Variants in FAAH2 observed in about 807,000 individuals in gnomAD.
FAAH2 encodes fatty-acid amide hydrolase 2.
Under a neutral mutation model 36.9 loss-of-function variants are expected in FAAH2, and 60 were observed. That is an observed-to-expected ratio of 1.63 (90% CI 1.32 to 2.02). FAAH2 has a LOEUF of 2.02. FAAH2 is among the 30% of genes most tolerant of loss of function. The pLI is 0.00. For missense variants in FAAH2, 689 were observed against 397.5 expected (o/e 1.73, Z -6.23); for synonymous variants, 214 against 143.8 (o/e 1.49, Z -3.49).
chrX:57,409,270 G>T (rs2055641591), intron 7 of FAAH2, among the ~76,000 whole-genome samples: 1 of 111,458 alleles, frequency 9.0e-6, no homozygotes, highest in African/African-American at 3.2e-5. Flanking sequence ...TAATTGTTTT[G>T]TATTATCCTT....
At chrX:57,394,845 C>T in intron 7 of FAAH2, 2 of 1,094,649 alleles carry the variant, frequency 1.8e-6, no homozygotes, top group South Asian at 1.8e-5. Flanking sequence ...CAGGTGGTCA[C>T]TGTGGCATTG....
rs766611142 is a variant in FAAH2, at chrX:57,380,974, G to A, written c.941G>A (p.Gly314Glu). Residue 314 changes from glycine to glutamate, a missense_variant, in exon 7 of 11, where the codon GGA (glycine) becomes GAA (glutamate). Transcript: ENST00000374900. ...DLKFYWMEHD[G>E]GSFLMSKVDQ... ...AAATTTTACTGGATGGAACATGATG[G>A]AGGCTCATTTTTAATGTCCAAAGTG... 1.7e-6 allele frequency: 2 copies of A among 1,202,184 alleles called. No homozygotes were observed. Among genetic ancestry groups the A allele is most frequent in the Admixed American group, 4.4e-5 (2 of 44,992 alleles).
chrX:57,381,465 G>T, intron 7 of FAAH2: 2 of 492,174 alleles, frequency 4.1e-6, no homozygotes, highest in Non-Finnish European at 5.0e-6. Context: ...GAGTTCATTT[G>T]GGAAAGAAGA....
chrX:57,448,047 T>G (rs2056714927), intron 9 of FAAH2, among the ~76,000 whole-genome samples: 1 of 111,859 alleles, frequency 8.9e-6, no homozygotes. Context: ...TGGAGTGCAG[T>G]GATGCAATCA....
chrX:57,439,219 C>T lies in FAAH2; in HGVS notation c.1116+7182C>T, dbSNP rs1435091626. On this transcript the variant is annotated intron_variant, in intron 8 of 10. Coordinates refer to ENST00000374900, the MANE Select transcript of FAAH2 (RefSeq NM_174912.4). ...TTGAACTAGTTTACGGTCCCACCAA[C>T]AGTGTAAAAGTGTTCCTATTTCTCC... Among the ~76,000 whole-genome samples the T allele has an allele frequency of 8.2e-5, 9 of 109,540 alleles. No individual in the cohort carries two copies. The East Asian group carries it at 2.3e-3, about 28-fold the overall frequency.
the FAAH2 span, among the ~76,000 whole-genome samples, chrX:57,202,739 G>A: frequency 8.9e-6 from 1 of 111,995 alleles, no homozygotes; most frequent in African/African-American, 3.2e-5. Flanking sequence ...TGTTCCCCAA[G>A]TCCCTGGGAA....
At chrX:57,210,167 A>G in the FAAH2 span, among the ~76,000 whole-genome samples, 1 of 111,075 alleles carries the variant, frequency 9.0e-6, no homozygotes, top group East Asian at 2.8e-4. Flanking sequence ...TTATGAAGGC[A>G]CTTTCATTTG....
At position 57,420,011 on chromosome X, in the gene FAAH2, C is replaced by G. The variant is rs965856755; in HGVS notation, c.997-11907C>G. On this transcript the variant is annotated intron_variant, in intron 7 of 10. Coordinates refer to ENST00000374900, the MANE Select transcript of FAAH2 (RefSeq NM_174912.4). The stretch of plus-strand genomic sequence containing the variant: ...CATTTCTGGTTTTTCTCAGGTTTGT[C>G]AAAGATCAGATAGTTGTAGATATGT... Among the ~76,000 whole-genome samples, 28 of 111,535 alleles carry G rather than the reference C, an allele frequency of 2.5e-4. 1 individual carries two copies. Among genetic ancestry groups the G allele is most frequent in the African/African-American group, 8.5e-4 (26 of 30,712 alleles).
chrX:57,337,264 A>G (rs1475651534), intron 4 of FAAH2, among the ~76,000 whole-genome samples: 1 of 89,119 alleles, frequency 1.1e-5, no homozygotes, highest in Non-Finnish European at 2.1e-5. Flanking sequence ...ATAGCCTACC[A>G]ATCGAAAAAA....
chrX:57,480,085 A>G lies in FAAH2; in HGVS notation c.1424-8672A>G, dbSNP rs1383479332. On this transcript the variant is annotated intron_variant, in intron 10 of 10. Transcript: ENST00000374900. Reference sequence around the variant, plus strand: ...AGGAAGAAGTTGACTCTCTGAATAGACCAATAACAGGCTCTGAAATTGTGG... The same window carrying G: ...AGGAAGAAGTTGACTCTCTGAATAGGCCAATAACAGGCTCTGAAATTGTGG... Among the ~76,000 whole-genome samples the G allele has an allele frequency of 6.3e-5, 7 of 111,596 alleles. No individual in the cohort carries two copies. In the East Asian group the frequency reaches 2.0e-3, roughly 32 times the overall value.
At chrX:57,215,855 G>T in the FAAH2 span, among the ~76,000 whole-genome samples, 2 of 105,159 alleles carry the variant, frequency 1.9e-5, no homozygotes, top group African/African-American at 6.9e-5. Flanking sequence ...AGGACAAATA[G>T]CTAAAAACCT....
At chrX:57,189,987 C>T in the FAAH2 span, among the ~76,000 whole-genome samples, 2 of 112,141 alleles carry the variant, frequency 1.8e-5, no homozygotes, top group African/African-American at 6.5e-5. Context: ...TTTAAGTCTG[C>T]TGAAGCCGCG....
chrX:57,467,253 G>A (rs990373750), intron 10 of FAAH2, among the ~76,000 whole-genome samples: 4 of 111,113 alleles, frequency 3.6e-5, no homozygotes, highest in Admixed American at 9.6e-5. Context: ...GACAGTGGGT[G>A]CAGGACAGCG....
At chrX:57,422,865 G>T (rs963955937) in intron 7 of FAAH2, among the ~76,000 whole-genome samples, 1 of 112,390 alleles carries the variant, frequency 8.9e-6, no homozygotes, top group Admixed American at 9.4e-5. Flanking sequence ...TTTTATCCAA[G>T]AAGGAACATG....
chrX:57,141,447 G>T, the FAAH2 span, among the ~76,000 whole-genome samples: 2 of 111,951 alleles, frequency 1.8e-5, no homozygotes, highest in South Asian at 3.7e-4. Flanking sequence ...GGCCTTCCAA[G>T]AATGAGTTTG....
intron 5 of FAAH2, among the ~76,000 whole-genome samples, chrX:57,344,014 C>T (rs140357925): frequency 0.011 from 1,190 of 110,505 alleles, 3 homozygotes; most frequent in Non-Finnish European, 0.018. Flanking sequence ...TTACATTAGT[C>T]GTACAATACA....
chrX:57,260,120 C>T, the FAAH2 span, among the ~76,000 whole-genome samples: 3 of 111,125 alleles, frequency 2.7e-5, no homozygotes, highest in Admixed American at 1.9e-4. Context: ...CTTTAAAAAC[C>T]CTTCAAAATA....
intron 10 of FAAH2, among the ~76,000 whole-genome samples, chrX:57,465,873 T>C (rs965850307): frequency 9.1e-6 from 1 of 110,000 alleles, no homozygotes; most frequent in Non-Finnish European, 1.9e-5. Flanking sequence ...TATATATAAA[T>C]GTAATATATA....
At chrX:57,136,934 T>C in the FAAH2 span, 4 of 825,812 alleles carry the variant, frequency 4.8e-6, no homozygotes, top group African/African-American at 8.4e-5. Context: ...CAAAGCGGCC[T>C]TGACCAGCAC....
Sources: gnomAD v4.1 joint callset for allele counts (sites outside exome capture counted in the v4.1 genomes callset) on GRCh38, gnomAD v4.1.1 for gene constraint, MANE v1.5 for transcripts, NCBI Gene and HGNC (gene_info 2026-07-23, HGNC 2026-07-21) for gene names.